MAPK10: variants seen among roughly 807,000 people sequenced by gnomAD.
MAPK10 encodes mitogen-activated protein kinase 10, also known as JNK3 alpha protein kinase.
MAPK10 carries 25 observed loss-of-function variants against 59.3 expected under a neutral mutation model. That is an observed-to-expected ratio of 0.42 (90% CI 0.31 to 0.59). The LOEUF is 0.59. MAPK10 is among the 20% of genes least tolerant of loss of function. The probability of loss-of-function intolerance (pLI) is 0.15; values close to 1 mark genes in which losing one functional copy is unlikely to be tolerated. For missense variants in MAPK10, 351 were observed against 568.9 expected (o/e 0.62, Z 3.90); for synonymous variants, 190 against 200.5 (o/e 0.95, Z 0.44).
chr4:86,065,918 T>C (rs1434096390), intron 10 of MAPK10, among the ~76,000 whole-genome samples: 2 of 152,198 alleles, frequency 1.3e-5, no homozygotes, highest in Non-Finnish European at 2.9e-5. Context: ...TGGCTAATTC[T>C]ACAAATTTGA....
chr4:86,155,513 G>A (rs1245724506), intron 4 of MAPK10, among the ~76,000 whole-genome samples: 2 of 151,922 alleles, frequency 1.3e-5, no homozygotes, highest in Non-Finnish European at 2.9e-5. Flanking sequence ...GTCTGAGGCA[G>A]ATACATTCCA....
At chr4:86,027,355 AT>A (rs1750872022) in intron 13 of MAPK10, 1 of 152,196 alleles carries the variant, frequency 6.6e-6, no homozygotes, top group Non-Finnish European at 1.5e-5. Context: ...TAAGTTGCAT[AT>A]TTTAGAATTA....
chr4:86,266,944 A>G (rs2094264152), intron 2 of MAPK10, among the ~76,000 whole-genome samples: 4 of 152,076 alleles, frequency 2.6e-5, no homozygotes. Context: ...GGTGGTATGG[A>G]TGTGTATTGG....
intron 1 of MAPK10, among the ~76,000 whole-genome samples, chr4:86,369,235 G>A (rs1267568722): frequency 6.6e-6 from 1 of 152,128 alleles, no homozygotes; most frequent in Non-Finnish European, 1.5e-5. Flanking sequence ...GGTAGGCTAA[G>A]AAGCAAAATA....
Position 86,098,948 on chromosome 4 carries a change from C to A in MAPK10, c.731-353G>T, listed in dbSNP as rs2149066837. On this transcript the variant is annotated intron_variant, in intron 8 of 13. Coordinates refer to ENST00000641462, the MANE Select transcript of MAPK10 (RefSeq NM_138982.4). ...AAAGCCACCAAAGGGTTTTCTGTGT[C>A]ATTTTCCGGATGCATAGAAAACAAT... 2.0e-5 allele frequency: 4 copies of A among 201,452 alleles called. No individual in the cohort carries two copies. The South Asian group carries it at 4.5e-4, about 22-fold the overall frequency. The allele number at this position is 201,452 out of a possible 1,614,324, so 12.5% of individuals were successfully genotyped here. A position where few individuals can be genotyped will look rare whatever the true frequency, so the allele number is the denominator to read the frequency against.
chr4:86,031,537 C>T, intron 11 of MAPK10, 106 bp from the exon 12 acceptor site: 1 of 771,718 alleles, frequency 1.3e-6, no homozygotes, highest in Non-Finnish European at 2.2e-6. Flanking sequence ...GTGATTTCAA[C>T]CGTATATAAG....
At chr4:86,103,282 A>G (rs776389220) in intron 5 of MAPK10, 38 bp from the exon 6 acceptor site, 4 of 994,382 alleles carry the variant, frequency 4.0e-6, no homozygotes, top group Admixed American at 3.5e-5. Context: ...AACGAGAGAA[A>G]GAAAAAAGAG....
chr4:86,511,854 A>C (rs1247258635), intron 1 of MAPK10, among the ~76,000 whole-genome samples: 1 of 151,006 alleles, frequency 6.6e-6, no homozygotes, highest in Non-Finnish European at 1.5e-5. Context: ...GCAGGAATGA[A>C]GGAAAGGAGG....
chr4:86,573,849 A>AT (rs1160029278), intron 1 of MAPK10, among the ~76,000 whole-genome samples: 1 of 152,084 alleles, frequency 6.6e-6, no homozygotes, highest in African/African-American at 2.4e-5. Flanking sequence ...CTATTGTTAT[A>AT]TTTTTTAAAT....
At chr4:86,103,060 T>A (rs1196827399) in intron 6 of MAPK10, 126 bp downstream of exon 6, 8 of 686,856 alleles carry the variant, frequency 1.2e-5, no homozygotes, top group Non-Finnish European at 2.0e-5. Context: ...TTGAGCAGTA[T>A]AAGGGATTTC....
At chr4:86,043,019 A>G (rs1436522) in intron 11 of MAPK10, among the ~76,000 whole-genome samples, 37,256 of 152,006 alleles carry the variant, frequency 0.25, 5,927 homozygotes, top group African/African-American at 0.46. Flanking sequence ...GATTTGGTGT[A>G]GAGAGGAGAT....
rs568747699 is a variant in MAPK10 at position 86,369,758 on chromosome 4, A to T, written c.-121-15114T>A. On this transcript the variant is annotated intron_variant, in intron 1 of 13. Transcript: ENST00000361569. Reference sequence around the variant, plus strand: ...GCAATGATAATAGTAGTTAAATTCAACATATGCTTTATATGAGTGCAAGAT... The same window carrying T: ...GCAATGATAATAGTAGTTAAATTCATCATATGCTTTATATGAGTGCAAGAT... Among the ~76,000 whole-genome samples the T allele has an allele frequency of 7.2e-5, 11 of 152,370 alleles. No homozygotes were observed. The East Asian group carries it at 1.9e-3, about 27-fold the overall frequency.
intron 1 of MAPK10, among the ~76,000 whole-genome samples, chr4:86,488,014 G>A (rs1385952653): frequency 2.6e-5 from 4 of 152,084 alleles, no homozygotes; most frequent in Non-Finnish European, 5.9e-5. Context: ...CTACCTAGAG[G>A]ACAGCAGAGG....
At chr4:86,246,981 T>C (rs2093136135) in intron 2 of MAPK10, among the ~76,000 whole-genome samples, 1 of 152,204 alleles carries the variant, frequency 6.6e-6, no homozygotes, top group Non-Finnish European at 1.5e-5. Context: ...CCAATCAGAC[T>C]AAAGGTAAGA....
At chr4:86,286,038 C>T (rs908131802) in intron 2 of MAPK10, among the ~76,000 whole-genome samples, 3 of 152,200 alleles carry the variant, frequency 2.0e-5, no homozygotes, top group Non-Finnish European at 2.9e-5. Context: ...ATTCAAATGC[C>T]AATTTCTTCC....
intron 1 of MAPK10, among the ~76,000 whole-genome samples, chr4:86,473,332 G>A (rs1160232580): frequency 2.0e-5 from 3 of 152,042 alleles, no homozygotes; most frequent in African/African-American, 7.2e-5. Flanking sequence ...TAGAGCAGCA[G>A]GATTGAATTT....
chr4:86,144,998 C>A (rs1206862836), intron 4 of MAPK10, among the ~76,000 whole-genome samples: 2 of 149,698 alleles, frequency 1.3e-5, no homozygotes, highest in Non-Finnish European at 3.0e-5. Flanking sequence ...CCAAAAAAAA[C>A]CCAAAAAAAC....
chr4:86,524,817 C>T (rs1266086597), intron 1 of MAPK10, among the ~76,000 whole-genome samples: 1 of 150,326 alleles, frequency 6.7e-6, no homozygotes, highest in South Asian at 2.1e-4. Flanking sequence ...TAGCCTATCA[C>T]TCAACAAATA....
At chr4:86,510,894 G>A (rs1222601354) in intron 1 of MAPK10, among the ~76,000 whole-genome samples, 1 of 152,146 alleles carries the variant, frequency 6.6e-6, no homozygotes, top group Non-Finnish European at 1.5e-5. Context: ...AAAGTGGGGA[G>A]GGAGGCATGA....
Sources: gnomAD v4.1 joint callset for allele counts (sites outside exome capture counted in the v4.1 genomes callset) on GRCh38, gnomAD v4.1.1 for gene constraint, MANE v1.5 for transcripts, NCBI Gene and HGNC (gene_info 2026-07-23, HGNC 2026-07-21) for gene names.